BEND4: variants seen among roughly 807,000 people sequenced by gnomAD.
The protein encoded by BEND4 is BEN domain containing 4.
A neutral mutation model predicts 54.7 loss-of-function variants in BEND4; 27 were observed. That is an observed-to-expected ratio of 0.49 (90% CI 0.36 to 0.68). The LOEUF (loss-of-function observed/expected upper bound fraction) is 0.68. Ranked by LOEUF, BEND4 falls within the 30% of genes least tolerant of loss-of-function variation. The pLI is 0.00. For missense variants in BEND4, 702 were observed against 697.2 expected, an observed-to-expected ratio of 1.01 and a Z score of -0.08; for synonymous variants, 327 against 299.5, an observed-to-expected ratio of 1.09 and a Z score of -0.95.
chr4:42,121,587 A>AT (rs543487012), intron 4 of BEND4, among the ~76,000 whole-genome samples: 15 of 152,228 alleles, frequency 9.9e-5, no homozygotes, highest in Non-Finnish European at 1.9e-4. Context: ...TGAGTACAAG[A>AT]TATGACTATT....
chr4:42,124,669 G>T (rs1475637508), intron 4 of BEND4, among the ~76,000 whole-genome samples: 1 of 152,148 alleles, frequency 6.6e-6, no homozygotes, highest in African/African-American at 2.4e-5. Context: ...ATTACAGGGT[G>T]GAAGAGCAAA....
intron 4 of BEND4, among the ~76,000 whole-genome samples, chr4:42,122,704 A>G (rs1417209345): frequency 6.6e-6 from 1 of 152,182 alleles, no homozygotes; most frequent in African/African-American, 2.4e-5. Context: ...CAGCCTTAAA[A>G]AAGACTGTCT....
rs1434843471 is a variant in BEND4 at position 42,152,601 on chromosome 4, C to T, written c.-303G>A. The T allele has an allele frequency of 1.3e-5, 2 of 153,994 alleles. No homozygotes were observed. Among genetic ancestry groups the T allele is most frequent in the Non-Finnish European group, 2.9e-5 (2 of 68,412 alleles). The allele number at this position is 153,994 out of a possible 1,614,324, so 9.5% of individuals were successfully genotyped here. On this transcript the variant is annotated 5_prime_UTR_variant, in exon 1 of 6. Transcript: ENST00000502486. The stretch of plus-strand genomic sequence containing the variant: ...TCTGGCTACGGCGAGACTTTAGAGA[C>T]CCAGATGTGGACTCGAGGCTTCTGC...
intron 4 of BEND4, among the ~76,000 whole-genome samples, chr4:42,120,888 G>A (rs1473114902): frequency 6.6e-6 from 1 of 152,010 alleles, no homozygotes; most frequent in East Asian, 1.9e-4. Flanking sequence ...TATAGCTTCT[G>A]CAAATGCCAC....
At chr4:42,133,099 C>T (rs1189471374) in intron 3 of BEND4, among the ~76,000 whole-genome samples, 1 of 152,096 alleles carries the variant, frequency 6.6e-6, no homozygotes. Flanking sequence ...CATGTAAAGC[C>T]AAAGGCACCC....
chr4:42,147,776 G>A (rs1006198034), intron 2 of BEND4, among the ~76,000 whole-genome samples: 1 of 151,818 alleles, frequency 6.6e-6, no homozygotes, highest in African/African-American at 2.4e-5. Flanking sequence ...ATTCATTTTG[G>A]GAAATTCGTC....
rs1206227174 is a variant in BEND4 at position 42,111,466 on chromosome 4, G to A, written c.*6052C>T. 2 of 152,202 alleles carry A rather than the reference G, an allele frequency of 1.3e-5. No individual in the cohort carries two copies. Among genetic ancestry groups the A allele is most frequent in the African/African-American group, 2.4e-5 (1 of 41,440 alleles). 9.4% of individuals were successfully genotyped at this position (152,202 alleles called of 1,614,324 possible). ...CAATGCCTAAATTGCGCAGGGTCGG[G>A]CTGGAACAGTGACCTTGAAAGCTTC... On this transcript the variant is annotated 3_prime_UTR_variant, in exon 6 of 6. Coordinates refer to ENST00000502486, the MANE Select transcript of BEND4 (RefSeq NM_207406.4).
At chr4:42,144,339 G>A (rs1194087263) in intron 2 of BEND4, among the ~76,000 whole-genome samples, 1 of 152,112 alleles carries the variant, frequency 6.6e-6, no homozygotes, top group Admixed American at 6.5e-5. Context: ...CTAAGGAATC[G>A]AGCCAGCCAC....
At chr4:42,142,801 G>A (rs959801782) in intron 3 of BEND4, among the ~76,000 whole-genome samples, 4 of 152,040 alleles carry the variant, frequency 2.6e-5, no homozygotes, top group Non-Finnish European at 5.9e-5. Context: ...GCCAAGAAAC[G>A]GTTTGGGGCC....
At chr4:42,132,347 C>T (rs1577756537) in intron 3 of BEND4, among the ~76,000 whole-genome samples, 1 of 152,222 alleles carries the variant, frequency 6.6e-6, no homozygotes, top group African/African-American at 2.4e-5. Context: ...CTTTCAGCAG[C>T]AAGAGGTCAG....
chr4:42,123,753 C>T lies in BEND4; in HGVS notation c.1146+1830G>A, dbSNP rs925902692. On this transcript the variant is annotated intron_variant, in intron 4 of 5. Coordinates refer to ENST00000502486, the MANE Select transcript of BEND4 (RefSeq NM_207406.4). ...GGGTGGAGAACAGAGAAGAAAGAAG[C>T]TGCTGCAATAGTCAGGTGAGAGAGT... Among the ~76,000 whole-genome samples, 4 of 141,220 alleles carry T rather than the reference C, an allele frequency of 2.8e-5. 1 individual carries two copies. The highest frequency in any genetic ancestry group is 1.1e-4 in the African/African-American group (4 of 36,028). 92.6% of individuals were successfully genotyped at this position (141,220 alleles called of 152,430 possible). A position where few individuals can be genotyped will look rare whatever the true frequency, so the allele number is the denominator to read the frequency against.
rs934394934 is a variant in BEND4, at chr4:42,115,399, G to A, written c.*2119C>T. ...AGAAAGTGCTCTCATCAGCCTCAGC[G>A]AAGACCAGCACGATAGGGCTCCAAG... On this transcript the variant is annotated 3_prime_UTR_variant, in exon 6 of 6. Transcript: ENST00000502486. 6.6e-6 allele frequency: 1 copy of A among 152,196 alleles called. No homozygotes were observed. The highest frequency in any genetic ancestry group is 1.5e-5 in the Non-Finnish European group (1 of 68,062). 9.4% of individuals were successfully genotyped at this position (152,196 alleles called of 1,614,324 possible).
intron 3 of BEND4, among the ~76,000 whole-genome samples, chr4:42,137,963 G>C (rs187588544): frequency 1.4e-4 from 22 of 152,232 alleles, no homozygotes; most frequent in Admixed American, 1.3e-3. Context: ...GTGAGTGTAT[G>C]GGAAAAAGGA....
Position 42,152,041 on chromosome 4 carries a change from G to A in BEND4, c.103C>T (p.Pro35Ser), listed in dbSNP as rs1189574925. 3.2e-6 allele frequency: 4 copies of A among 1,251,784 alleles called. No individual in the cohort carries two copies. Among genetic ancestry groups the A allele is most frequent in the Non-Finnish European group, 4.0e-6 (4 of 991,190 alleles). 77.5% of individuals were successfully genotyped at this position (1,251,784 alleles called of 1,614,324 possible). The change falls in exon 2 of 6, where the codon CCG (proline) becomes TCG (serine). Residue 35 changes from proline (P) to serine (S), a missense_variant. Coordinates refer to ENST00000502486, the MANE Select transcript of BEND4 (RefSeq NM_207406.4). ...SVLKTFPSKRPALAKRYERPT... is the reference protein window; with the variant it reads ...SVLKTFPSKRSALAKRYERPT... ...CGCTCGTAGCGCTTGGCCAGCGCCG[G>A]TCTCTTGCTGGGGAACGTCTTGAGG...
At chr4:42,143,315 G>A (rs1269771902) in intron 3 of BEND4, 113 bp downstream of exon 3, 1 of 966,628 alleles carries the variant, frequency 1.0e-6, no homozygotes, top group African/African-American at 1.7e-5. Context: ...AACAAAAAAA[G>A]CCCACACATA....
chr4:42,125,423 T>A lies in BEND4; in HGVS notation c.1146+160A>T, dbSNP rs112009352. ...GAATCTCTGTAGTTAAATACATGCGTGATCTTTCTCCACAAATTACATACT... is the reference window on the plus strand; with the variant it reads ...GAATCTCTGTAGTTAAATACATGCGAGATCTTTCTCCACAAATTACATACT... On this transcript the variant is annotated intron_variant, in intron 4 of 5. Transcript: ENST00000502486. Among the ~76,000 whole-genome samples, 151 of 152,378 alleles carry A rather than the reference T, an allele frequency of 9.9e-4. 2 individuals carry two copies. The highest frequency in any genetic ancestry group is 3.3e-3 in the African/African-American group (139 of 41,594).
intron 2 of BEND4, among the ~76,000 whole-genome samples, chr4:42,146,635 G>A (rs576190992): frequency 6.6e-6 from 1 of 152,176 alleles, no homozygotes. Context: ...ATCAAAGGAT[G>A]ATATTGATTG....
chr4:42,133,723 T>G (rs1056570651), intron 3 of BEND4, among the ~76,000 whole-genome samples: 3 of 151,940 alleles, frequency 2.0e-5, no homozygotes, highest in Non-Finnish European at 4.4e-5. Flanking sequence ...GGTGTGGTGG[T>G]GGGCGCCTGT....
Position 42,111,165 on chromosome 4 carries a change from T to C in BEND4, c.*6353A>G, listed in dbSNP as rs1719544708. 6.6e-6 allele frequency: 1 copy of C among 152,224 alleles called. No homozygotes were observed. The highest frequency in any genetic ancestry group is 1.5e-5 in the Non-Finnish European group (1 of 68,032). 9.4% of individuals were successfully genotyped at this position (152,224 alleles called of 1,614,324 possible). Reference sequence around the variant, plus strand: ...TAACACTTAAAAAACAACTTACTCTTCTATATAAATTGTTCACAAAAAAAT... The same window carrying C: ...TAACACTTAAAAAACAACTTACTCTCCTATATAAATTGTTCACAAAAAAAT... On this transcript the variant is annotated 3_prime_UTR_variant, in exon 6 of 6. Transcript: ENST00000502486.
Sources: gnomAD v4.1 joint callset for allele counts (sites outside exome capture counted in the v4.1 genomes callset) on GRCh38, gnomAD v4.1.1 for gene constraint, MANE v1.5 for transcripts, NCBI Gene and HGNC (gene_info 2026-07-23, HGNC 2026-07-21) for gene names.